PAX8: variants seen among roughly 807,000 people sequenced by gnomAD.
The protein encoded by PAX8 is paired box 8, also known as paired box protein Pax-8.
In PAX8, 15 loss-of-function variants were observed where a neutral mutation model predicts 52.4. The ratio of observed to expected loss-of-function variants is 0.29; its 90% CI spans 0.19 to 0.44. The LOEUF (loss-of-function observed/expected upper bound fraction) is 0.44, where lower values mean the gene tolerates loss of function less well. Among genes scored for constraint, PAX8 ranks in the 20% least tolerant of loss-of-function variants. The pLI is 1.00. For synonymous variants in PAX8, 284 were observed against 249.7 expected, an observed-to-expected ratio of 1.14 and a Z score of -1.29; for missense variants, 554 against 602.5, an observed-to-expected ratio of 0.92 and a Z score of 0.84.
intron 8 of PAX8, 31 bp downstream of exon 8, chr2:113,236,570 C>T (rs1169403477): frequency 6.5e-7 from 1 of 1,548,334 alleles, no homozygotes; most frequent in Non-Finnish European, 8.7e-7. Context: ...CCCCCGCCCT[C>T]CACCTGCCAG....
chr2:113,273,299 C>A (rs2104607349), intron 2 of PAX8: 2 of 152,110 alleles, frequency 1.3e-5, no homozygotes, highest in Middle Eastern at 6.8e-3. Context: ...CCAGCCCTGG[C>A]TTAGCTCTGG....
At chr2:113,231,701 G>A (rs759960033) in intron 9 of PAX8, among the ~76,000 whole-genome samples, 8 of 152,130 alleles carry the variant, frequency 5.3e-5, no homozygotes, top group East Asian at 1.9e-4. Context: ...TAGGAATAAT[G>A]TGGCCTCAAC....
intron 9 of PAX8, among the ~76,000 whole-genome samples, chr2:113,233,420 A>T (rs1230809465): frequency 6.6e-6 from 1 of 151,764 alleles, no homozygotes; most frequent in Non-Finnish European, 1.5e-5. Context: ...AGTGGCTCAC[A>T]CCTGTAACCC....
At chr2:113,225,822 T>TG in intron 10 of PAX8, 1 of 738,760 alleles carries the variant, frequency 1.4e-6, no homozygotes, top group Non-Finnish European at 1.7e-6. Context: ...GGAAGGGGAA[T>TG]GGGGGGAACC....
chr2:113,218,045 G>C lies in PAX8; in HGVS notation c.*488C>G, dbSNP rs1689084537. On this transcript the variant is annotated 3_prime_UTR_variant, in exon 12 of 12. Coordinates refer to ENST00000429538, the MANE Select transcript of PAX8 (RefSeq NM_003466.4). ...GGGAGGCTGAGGGAGGTGACTCCCT[G>C]GGTGGCTGGTGAGGAGAGCCTCGGC... 1 of 233,986 alleles carries C rather than the reference G, an allele frequency of 4.3e-6. No individual in the cohort carries two copies. Among genetic ancestry groups the C allele is most frequent in the African/African-American group, 2.2e-5 (1 of 45,356 alleles). The allele number at this position is 233,986 out of a possible 1,614,324, so 14.5% of individuals were successfully genotyped here.
At chr2:113,257,924 C>T (rs960770100) in intron 2 of PAX8, among the ~76,000 whole-genome samples, 3 of 152,096 alleles carry the variant, frequency 2.0e-5, no homozygotes, top group South Asian at 2.1e-4. Flanking sequence ...GGAACAGATT[C>T]GGCATGTAAC....
At chr2:113,226,600 CCCGGGT>C in intron 10 of PAX8, 1 of 1,053,424 alleles carries the variant, frequency 9.5e-7, no homozygotes, top group South Asian at 3.4e-5. Context: ...GTACCTAGAA[CCCGGGT>C]CCTATCCATG....
At chr2:113,233,270 A>C (rs1356900869) in intron 9 of PAX8, among the ~76,000 whole-genome samples, 1 of 148,768 alleles carries the variant, frequency 6.7e-6, no homozygotes, top group Non-Finnish European at 1.5e-5. Context: ...CTCTGCCCAC[A>C]CACTGGATGT....
At chr2:113,231,814 C>T (rs557933955) in intron 9 of PAX8, among the ~76,000 whole-genome samples, 2 of 152,296 alleles carry the variant, frequency 1.3e-5, no homozygotes, top group East Asian at 3.9e-4. Context: ...CCGCAACCTC[C>T]GCCTCCTGGG....
At chr2:113,239,533 T>C (rs887392564) in intron 7 of PAX8, 3 of 152,148 alleles carry the variant, frequency 2.0e-5, no homozygotes, top group African/African-American at 7.2e-5. Context: ...TTACCAGAGG[T>C]AGGAAAAGCA....
intron 9 of PAX8, among the ~76,000 whole-genome samples, chr2:113,233,677 CA>C (rs72013345): frequency 6.5e-4 from 45 of 69,698 alleles, no homozygotes; most frequent in African/African-American, 2.2e-3. Flanking sequence ...GATTCCATCT[CA>C]AAAAACAAAA....
chr2:113,235,849 G>T, intron 8 of PAX8: 1 of 493,374 alleles, frequency 2.0e-6, no homozygotes, highest in Non-Finnish European at 3.6e-6. Flanking sequence ...AGGAGGGAGC[G>T]CGGAGACCCG....
Position 113,226,977 on chromosome 2 carries a change from G to C in PAX8, c.1189+178C>G. 5 of 1,517,876 alleles carry C rather than the reference G, an allele frequency of 3.3e-6. No individual in the cohort carries two copies. The South Asian group carries it at 6.0e-5, about 18-fold the overall frequency. 94.0% of individuals were successfully genotyped at this position (1,517,876 alleles called of 1,614,324 possible). A position where few individuals can be genotyped will look rare whatever the true frequency, so the allele number is the denominator to read the frequency against. On this transcript the variant is annotated intron_variant, in intron 10 of 11. Coordinates refer to ENST00000429538, the MANE Select transcript of PAX8 (RefSeq NM_003466.4). ...TGGGGCAAGTTAAATAGGGAGTCAGGACTGCACTGGGACATCGTCTCCAGG... is the reference window on the plus strand; with the variant it reads ...TGGGGCAAGTTAAATAGGGAGTCAGCACTGCACTGGGACATCGTCTCCAGG...
At chr2:113,222,119 A>G (rs1689305643) in intron 10 of PAX8, among the ~76,000 whole-genome samples, 1 of 152,222 alleles carries the variant, frequency 6.6e-6, no homozygotes, top group African/African-American at 2.4e-5. Context: ...ATTCAGTGAA[A>G]GCCAGAACTA....
At position 113,217,323 on chromosome 2, in the gene PAX8, C is replaced by T. The variant is rs181590981; in HGVS notation, c.*1210G>A. ...ATGTTCTTGGGAGAAAGCCCAGCCC[C>T]GGGATGCCTCCTTCCCCAGCCAACC... On this transcript the variant is annotated 3_prime_UTR_variant, in exon 12 of 12. Coordinates refer to ENST00000429538, the MANE Select transcript of PAX8 (RefSeq NM_003466.4). The T allele has an allele frequency of 1.2e-3, 269 of 226,244 alleles. 3 individuals carry two copies. The highest frequency in any genetic ancestry group is 9.6e-4 in the East Asian group (15 of 15,670). 14.0% of individuals were successfully genotyped at this position (226,244 alleles called of 1,614,324 possible). A position where few individuals can be genotyped will look rare whatever the true frequency, so the allele number is the denominator to read the frequency against.
chr2:113,236,621 T>C lies in PAX8; in HGVS notation c.878A>G (p.Gln293Arg). The part of the protein sequence containing the change: ...TPLGRNLSTH[Q>R]TYPVVADPHS... ...TGTACCTGCCACCACGGGGTAGGTC[T>C]GGTGAGTCGAGAGGTTGCGCCCCAG... The change falls in exon 8 of 12, where the codon CAG becomes CGG. Residue 293 changes from glutamine to arginine, a missense_variant. Gln to Arg is a conservative substitution (Grantham distance 43). Transcript: ENST00000429538. The C allele has an allele frequency of 6.3e-7, 1 of 1,588,550 alleles. No individual in the cohort carries two copies. The highest frequency in any genetic ancestry group is 8.6e-7 in the Non-Finnish European group (1 of 1,168,158).
chr2:113,216,226 C>T lies in PAX8; in HGVS notation c.*2307G>A. On this transcript the variant is annotated 3_prime_UTR_variant, in exon 12 of 12. Coordinates refer to ENST00000429538, the MANE Select transcript of PAX8 (RefSeq NM_003466.4). Reference sequence around the variant, plus strand: ...ATGTCATGGATTCGGAGTCGCGCTGCAGAGGGAAGTTCTGCCATTGAAAAA... The same window carrying T: ...ATGTCATGGATTCGGAGTCGCGCTGTAGAGGGAAGTTCTGCCATTGAAAAA... 1 of 230,882 alleles carries T rather than the reference C, an allele frequency of 4.3e-6. No individual in the cohort carries two copies. Among genetic ancestry groups the T allele is most frequent in the East Asian group, 6.1e-5 (1 of 16,308 alleles). 14.3% of individuals were successfully genotyped at this position (230,882 alleles called of 1,614,324 possible).
chr2:113,255,321 G>A (rs1490358390), intron 2 of PAX8: 1 of 132,896 alleles, frequency 7.5e-6, no homozygotes, highest in Admixed American at 7.9e-5. Context: ...AGGGGAGGAG[G>A]GAGGCAGATC....
intron 10 of PAX8, among the ~76,000 whole-genome samples, chr2:113,225,294 G>A (rs1689497034): frequency 6.6e-6 from 1 of 152,182 alleles, no homozygotes; most frequent in African/African-American, 2.4e-5. Flanking sequence ...TACCTAACAT[G>A]AATGCAGTAG....
Sources: gnomAD v4.1 joint callset for allele counts (sites outside exome capture counted in the v4.1 genomes callset) on GRCh38, gnomAD v4.1.1 for gene constraint, MANE v1.5 for transcripts, NCBI Gene and HGNC (gene_info 2026-07-23, HGNC 2026-07-21) for gene names.